CLSTN2: variants seen among roughly 807,000 people sequenced by gnomAD.
The protein encoded by CLSTN2 is calsyntenin-2.
In CLSTN2, 48 loss-of-function variants were observed where a neutral mutation model predicts 101.2. The observed-to-expected ratio is 0.47, with a 90% CI of 0.38 to 0.60. The LOEUF is 0.60. CLSTN2 is among the 20% of genes least tolerant of loss of function. The pLI is 0.00. For missense variants in CLSTN2, 1,160 were observed against 1,238.2 expected (o/e 0.94, Z 0.95); for synonymous variants, 481 against 463.6 (o/e 1.04, Z -0.48).
At chr3:140,320,695 C>T (rs1040324632) in intron 2 of CLSTN2, among the ~76,000 whole-genome samples, 1 of 151,512 alleles carries the variant, frequency 6.6e-6, no homozygotes, top group African/African-American at 2.4e-5. Flanking sequence ...TATTGACTCC[C>T]CCTTCCAAAA....
At chr3:140,159,747 G>T (rs533172795) in intron 1 of CLSTN2, among the ~76,000 whole-genome samples, 1 of 152,188 alleles carries the variant, frequency 6.6e-6, no homozygotes, top group Admixed American at 6.5e-5. Context: ...CAATAGCAAA[G>T]ACATGGAATC....
intron 1 of CLSTN2, among the ~76,000 whole-genome samples, chr3:140,119,715 C>T (rs976890167): frequency 6.6e-6 from 1 of 152,066 alleles, no homozygotes; most frequent in African/African-American, 2.4e-5. Flanking sequence ...TGCCATGTTG[C>T]CCAGGCTGGT....
chr3:140,344,542 T>C (rs973202555), intron 2 of CLSTN2, among the ~76,000 whole-genome samples: 9 of 151,762 alleles, frequency 5.9e-5, no homozygotes, highest in Non-Finnish European at 1.0e-4. Context: ...GCCTCTAGAG[T>C]TTTTGTGTGC....
At chr3:140,251,362 A>C (rs531092691) in intron 2 of CLSTN2, among the ~76,000 whole-genome samples, 10 of 152,332 alleles carry the variant, frequency 6.6e-5, no homozygotes, top group African/African-American at 2.2e-4. Context: ...TGATTTATTC[A>C]GTATCTGTTG....
chr3:140,128,282 T>C (rs1208075582), intron 1 of CLSTN2, among the ~76,000 whole-genome samples: 2 of 152,176 alleles, frequency 1.3e-5, no homozygotes, highest in Non-Finnish European at 2.9e-5. Context: ...GGAGGAGATA[T>C]CCAGTCAGGC....
intron 2 of CLSTN2, among the ~76,000 whole-genome samples, chr3:140,286,514 A>G (rs1259429355): frequency 1.3e-5 from 2 of 152,226 alleles, no homozygotes; most frequent in African/African-American, 4.8e-5. Flanking sequence ...CTCATGTGGC[A>G]GACAGACAGT....
intron 8 of CLSTN2, among the ~76,000 whole-genome samples, chr3:140,493,226 C>T (rs1189759613): frequency 1.3e-5 from 2 of 152,080 alleles, no homozygotes; most frequent in Non-Finnish European, 2.9e-5. Flanking sequence ...TCAGACACTT[C>T]GGGATGAAAA....
intron 2 of CLSTN2, among the ~76,000 whole-genome samples, chr3:140,333,655 T>C (rs2087410417): frequency 2.0e-5 from 3 of 151,628 alleles, no homozygotes; most frequent in African/African-American, 4.9e-5. Context: ...ACTTTCATCA[T>C]AGAAACTAAC....
intron 2 of CLSTN2, among the ~76,000 whole-genome samples, chr3:140,216,267 C>T (rs757153024): frequency 1.1e-4 from 16 of 152,064 alleles, no homozygotes; most frequent in Non-Finnish European, 1.8e-4. Flanking sequence ...CCCTAGTGCC[C>T]AAAACATTGG....
intron 8 of CLSTN2, among the ~76,000 whole-genome samples, chr3:140,529,904 G>T (rs1935219161): frequency 6.6e-6 from 1 of 152,092 alleles, no homozygotes; most frequent in Non-Finnish European, 1.5e-5. Flanking sequence ...ATAGTAACAG[G>T]ATTTTTATTT....
chr3:140,303,640 G>A (rs2087082425), intron 2 of CLSTN2, among the ~76,000 whole-genome samples: 1 of 152,006 alleles, frequency 6.6e-6, no homozygotes. Context: ...GATTATGGTG[G>A]CTTCTAGAGA....
intron 6 of CLSTN2, among the ~76,000 whole-genome samples, chr3:140,456,754 T>C (rs975708364): frequency 6.6e-6 from 1 of 151,974 alleles, no homozygotes; most frequent in Non-Finnish European, 1.5e-5. Context: ...GCCACTGTAC[T>C]CTAGCCTGGG....
chr3:140,386,246 AAGAT>A (rs1319708119), intron 2 of CLSTN2, among the ~76,000 whole-genome samples: 1 of 152,200 alleles, frequency 6.6e-6, no homozygotes, highest in Non-Finnish European at 1.5e-5. Flanking sequence ...CAAGGTCACA[AAGAT>A]AGAAATGCTG....
intron 2 of CLSTN2, among the ~76,000 whole-genome samples, chr3:140,326,673 T>C (rs2087334681): frequency 6.6e-6 from 1 of 152,212 alleles, no homozygotes; most frequent in African/African-American, 2.4e-5. Flanking sequence ...ACCACCCTTT[T>C]TGTCCTGCTA....
intron 8 of CLSTN2, among the ~76,000 whole-genome samples, chr3:140,523,110 G>C (rs1935066094): frequency 6.6e-6 from 1 of 152,000 alleles, no homozygotes; most frequent in African/African-American, 2.4e-5. Context: ...TGTGAACTGT[G>C]TGCATTTGGA....
At chr3:140,258,199 G>C (rs577691552) in intron 2 of CLSTN2, among the ~76,000 whole-genome samples, 1 of 152,022 alleles carries the variant, frequency 6.6e-6, no homozygotes, top group African/African-American at 2.4e-5. Flanking sequence ...CTTTAGTAAA[G>C]TTATTTAAAC....
intron 1 of CLSTN2, among the ~76,000 whole-genome samples, chr3:140,135,246 A>G (rs1352435121): frequency 1.3e-5 from 2 of 150,578 alleles, no homozygotes; most frequent in Non-Finnish European, 3.0e-5. Context: ...TAGTAAAGAT[A>G]CCTGTTTAAT....
chr3:140,371,111 G>A (rs899624), intron 2 of CLSTN2, among the ~76,000 whole-genome samples: 145,675 of 152,272 alleles, frequency 0.96, 70,003 homozygotes, highest in East Asian at 1. Flanking sequence ...GAGGCAATGT[G>A]TTTCACAGGC....
intron 2 of CLSTN2, among the ~76,000 whole-genome samples, chr3:140,331,926 C>T (rs1167218754): frequency 1.3e-5 from 2 of 152,198 alleles, no homozygotes; most frequent in Non-Finnish European, 2.9e-5. Context: ...AGATTCCATC[C>T]ATCCATTCAT....
Sources: allele counts gnomAD v4.1 joint callset (sites outside exome capture counted in the v4.1 genomes callset), GRCh38; gene constraint gnomAD v4.1.1; transcripts MANE v1.5; gene names NCBI Gene and HGNC (gene_info 2026-07-23, HGNC 2026-07-21).